Variants in FAS observed in about 807,000 individuals in gnomAD.
FAS encodes the protein Fas cell surface death receptor, also known as tumor necrosis factor receptor superfamily member 6.
In FAS, 5 loss-of-function variants were observed where a neutral mutation model predicts 33.2. That is an observed-to-expected ratio of 0.15 (90% CI 0.08 to 0.32). The LOEUF (loss-of-function observed/expected upper bound fraction) is 0.32, where lower values mean the gene tolerates loss of function less well. FAS is among the 10% of genes least tolerant of loss of function. The probability of loss-of-function intolerance (pLI) is 1.00; values close to 1 mark genes in which losing one functional copy is unlikely to be tolerated. For synonymous variants in FAS, 131 were observed against 130.7 expected (o/e 1.00, Z -0.01); for missense variants, 339 against 386.0 (o/e 0.88, Z 1.02).
At chr10:89,011,333 T>A (rs1218207231) in intron 6 of FAS, among the ~76,000 whole-genome samples, 5 of 152,192 alleles carry the variant, frequency 3.3e-5, no homozygotes. Flanking sequence ...TTAGATATTA[T>A]CATAATTAGT....
chr10:88,993,374 C>G lies in FAS; in HGVS notation c.30+2468C>G, dbSNP rs150665502. Among the ~76,000 whole-genome samples the G allele has an allele frequency of 7.9e-5, 12 of 151,774 alleles. 1 individual carries two copies. The East Asian group carries it at 2.3e-3, about 29-fold the overall frequency. ...CTTGAGCAGCCTGTTTTGGAAAGTC[C>G]CTCGCTCAGAAATGCCAGCTTGCTA... On this transcript the variant is annotated intron_variant, in intron 1 of 8. Transcript: ENST00000652046.
chr10:89,008,138 G>A (rs571906522), intron 3 of FAS, among the ~76,000 whole-genome samples: 14 of 152,184 alleles, frequency 9.2e-5, no homozygotes, highest in East Asian at 3.9e-4. Context: ...CTTGACTTAC[G>A]CTTATATAAT....
rs563395225 is a variant in FAS at position 88,991,328 on chromosome 10, A to G, written c.30+422A>G. On this transcript the variant is annotated intron_variant, in intron 1 of 8. Transcript: ENST00000652046. ...ACTCCTGGACAAGCCCTGACAAGCC[A>G]AGCCAAAGGTCCGCTCCGGCGCGGG... 2.3e-3 allele frequency: 789 copies of G among 336,762 alleles called. 1 individual carries two copies. The highest frequency in any genetic ancestry group is 3.8e-3 in the Middle Eastern group (4 of 1,064). 20.9% of individuals were successfully genotyped at this position (336,762 alleles called of 1,614,324 possible). A position where few individuals can be genotyped will look rare whatever the true frequency, so the allele number is the denominator to read the frequency against.
chr10:89,015,365 A>G lies in FAS; in HGVS notation c.*915A>G, dbSNP rs771535974. On this transcript the variant is annotated 3_prime_UTR_variant, in exon 9 of 9. Transcript: ENST00000652046. Reference sequence around the variant, plus strand: ...CTCTCAGAGAAAGTAGCTTTGTGACATGTCATGAACCCATGTTTGCAATCA... The same window carrying G: ...CTCTCAGAGAAAGTAGCTTTGTGACGTGTCATGAACCCATGTTTGCAATCA... 3 of 532,912 alleles carry G rather than the reference A, an allele frequency of 5.6e-6. No individual in the cohort carries two copies. Among genetic ancestry groups the G allele is most frequent in the South Asian group, 4.6e-5 (3 of 65,086 alleles). The allele number at this position is 532,912 out of a possible 1,614,324, so 33.0% of individuals were successfully genotyped here.
At chr10:88,996,989 A>AT (rs1847638496) in intron 1 of FAS, among the ~76,000 whole-genome samples, 1 of 152,142 alleles carries the variant, frequency 6.6e-6, no homozygotes, top group Non-Finnish European at 1.5e-5. Context: ...ACCAAAGGTC[A>AT]TTTCTCTTAT....
At chr10:88,973,132 G>T in intron 1 of FAS, 1 of 1,523,608 alleles carries the variant, frequency 6.6e-7, no homozygotes, top group Non-Finnish European at 8.8e-7. Flanking sequence ...TTTTTCCTGG[G>T]CCTTGCCTCC....
chr10:89,004,894 T>G (rs1426552645), intron 2 of FAS, among the ~76,000 whole-genome samples: 1 of 152,180 alleles, frequency 6.6e-6, no homozygotes, highest in Non-Finnish European at 1.5e-5. Flanking sequence ...CTAAGTTGCT[T>G]CCAAATCTGT....
rs1044391318 is a variant in FAS at position 89,009,129 on chromosome 10, A to T, written c.443+132A>T. 4.5e-6 allele frequency: 4 copies of T among 891,606 alleles called. No individual in the cohort carries two copies. In the African/African-American group the frequency reaches 6.6e-5, roughly 15 times the overall value. The allele number at this position is 891,606 out of a possible 1,614,324, so 55.2% of individuals were successfully genotyped here. ...TGCTTTGCCTCCAAGCAACTAGATG[A>T]CTGTTTGCTCATTTAAACACTGGTG... is the stretch of plus-strand genomic sequence containing the variant. On this transcript the variant is annotated intron_variant, in intron 4 of 8. Transcript: ENST00000652046.
intron 8 of FAS, among the ~76,000 whole-genome samples, chr10:89,013,771 CA>C (rs1385897979): frequency 1.3e-5 from 2 of 152,176 alleles, no homozygotes; most frequent in African/African-American, 4.8e-5. Flanking sequence ...ATAAGATGAT[CA>C]TAAACTCTTT....
upstream of FAS, chr10:88,990,535 C>T: frequency 3.2e-6 from 2 of 617,636 alleles, no homozygotes; most frequent in Non-Finnish European, 6.0e-6. The surrounding 1 kb of genome is among the most constrained non-coding windows in gnomAD (Gnocchi z 4.9). Context: ...CCCCTCCCTA[C>T]CCGCGCGCAG....
rs1318965087 is a variant in FAS, at chr10:89,016,222, A to G, written c.*1772A>G. ...AGTCCCAAAGTATTAGCATTTCAAC[A>G]TGTAAGCATGTCGGTAAGATAGTTG... On this transcript the variant is annotated 3_prime_UTR_variant, in exon 9 of 9. Coordinates refer to ENST00000652046, the MANE Select transcript of FAS (RefSeq NM_000043.6). 1 of 216,566 alleles carries G rather than the reference A, an allele frequency of 4.6e-6. No individual in the cohort carries two copies. Among genetic ancestry groups the G allele is most frequent in the Non-Finnish European group, 9.3e-6 (1 of 107,522 alleles). The allele number at this position is 216,566 out of a possible 1,614,324, so 13.4% of individuals were successfully genotyped here. A position where few individuals can be genotyped will look rare whatever the true frequency, so the allele number is the denominator to read the frequency against.
intron 1 of FAS, among the ~76,000 whole-genome samples, chr10:88,997,120 G>A (rs1847646083): frequency 6.6e-6 from 1 of 152,210 alleles, no homozygotes; most frequent in Non-Finnish European, 1.5e-5. Flanking sequence ...TGTAAATGTA[G>A]TAACCTGCTA....
rs1848784242 is a variant in FAS, at chr10:89,015,838, T to C, written c.*1388T>C. ...GCTTGCTTTTTGGTTTTGTCTTCCT[T>C]TTCTCTAACTGATGCTAAATATAAC... On this transcript the variant is annotated 3_prime_UTR_variant, in exon 9 of 9. Transcript: ENST00000652046. 2.3e-6 allele frequency: 1 copy of C among 427,762 alleles called. No homozygotes were observed. The highest frequency in any genetic ancestry group is 4.4e-6 in the Non-Finnish European group (1 of 226,504). The allele number at this position is 427,762 out of a possible 1,614,324, so 26.5% of individuals were successfully genotyped here. A position where few individuals can be genotyped will look rare whatever the true frequency, so the allele number is the denominator to read the frequency against.
chr10:89,016,022 G>T lies in FAS; in HGVS notation c.*1572G>T. On this transcript the variant is annotated 3_prime_UTR_variant, in exon 9 of 9. Transcript: ENST00000652046. ...CAAACAGTTTCGTATTCCAGATACT[G>T]GAATGTGGATAAGAAAGTATACATT... 1 of 241,822 alleles carries T rather than the reference G, an allele frequency of 4.1e-6. No individual in the cohort carries two copies. The highest frequency in any genetic ancestry group is 1.3e-4 in the South Asian group (1 of 7,462). 15.0% of individuals were successfully genotyped at this position (241,822 alleles called of 1,614,324 possible). A position where few individuals can be genotyped will look rare whatever the true frequency, so the allele number is the denominator to read the frequency against.
chr10:88,966,277 C>T (rs913715433), intron 1 of FAS, among the ~76,000 whole-genome samples: 1 of 152,142 alleles, frequency 6.6e-6, no homozygotes, highest in Non-Finnish European at 1.5e-5. Flanking sequence ...ATTATAGGAT[C>T]CCAGGCTTAT....
intron 1 of FAS, among the ~76,000 whole-genome samples, chr10:88,966,689 A>G (rs1243929074): frequency 1.3e-5 from 2 of 152,178 alleles, no homozygotes; most frequent in African/African-American, 4.8e-5. Flanking sequence ...AATCACCTGC[A>G]TATCAGTTTC....
Position 89,016,691 on chromosome 10 carries a change from C to A in FAS, c.*2241C>A, listed in dbSNP as rs944114537. On this transcript the variant is annotated 3_prime_UTR_variant, in exon 9 of 9. Transcript: ENST00000652046. ...CCAGAATCATCCTCATTCTGGTGAA[C>A]CTGGTTCTCTTTGTGGTGGGCATAC... 10 of 223,936 alleles carry A rather than the reference C, an allele frequency of 4.5e-5. No homozygotes were observed. Among genetic ancestry groups the A allele is most frequent in the Non-Finnish European group, 8.0e-5 (9 of 112,290 alleles). The allele number at this position is 223,936 out of a possible 1,614,324, so 13.9% of individuals were successfully genotyped here.
intron 1 of FAS, among the ~76,000 whole-genome samples, chr10:88,994,623 T>C (rs1317020930): frequency 2.6e-5 from 4 of 152,070 alleles, no homozygotes; most frequent in Admixed American, 6.5e-5. Context: ...ATTTTACTTA[T>C]AAATTCTTAG....
Position 89,007,752 on chromosome 10 carries a change from G to C in FAS, c.249G>C (p.Val83=). ...TCAATGGGGATGAACCAGACTGCGT[G>C]CCCTGCCAAGAAGGGAAGGAGTACA... The part of the protein sequence containing the change: ...CTVNGDEPDC[V]PCQEGKEYTD... Residue 83 remains valine (V), a synonymous_variant, in exon 3 of 9, where the codon GTG becomes GTC. Coordinates refer to ENST00000652046, the MANE Select transcript of FAS (RefSeq NM_000043.6). 1 of 1,614,024 alleles carries C rather than the reference G, an allele frequency of 6.2e-7. No individual in the cohort carries two copies. The highest frequency in any genetic ancestry group is 8.5e-7 in the Non-Finnish European group (1 of 1,179,958).
Sources: allele counts gnomAD v4.1 joint callset (sites outside exome capture counted in the v4.1 genomes callset), GRCh38; gene constraint gnomAD v4.1.1; non-coding constraint Gnocchi (gnomAD v3.1); transcripts MANE v1.5; gene names NCBI Gene and HGNC (gene_info 2026-07-23, HGNC 2026-07-21).